MAGI1: variants seen among roughly 807,000 people sequenced by gnomAD.
MAGI1 encodes membrane associated guanylate kinase, WW and PDZ domain containing 1.
MAGI1 carries 58 observed loss-of-function variants against 139.9 expected under a neutral mutation model. The ratio of observed to expected loss-of-function variants is 0.41; its 90% confidence interval spans 0.34 to 0.52. The LOEUF is 0.52. Among genes scored for constraint, MAGI1 ranks in the 20% least tolerant of loss-of-function variants. The probability of loss-of-function intolerance (pLI) is 0.12; values close to 1 mark genes in which losing one functional copy is unlikely to be tolerated. For missense variants in MAGI1, 1,874 were observed against 1,901.6 expected, an observed-to-expected ratio of 0.99 and a Z score of 0.27; for synonymous variants, 812 against 737.9, an observed-to-expected ratio of 1.10 and a Z score of -1.63.
At chr3:65,425,150 GCCTAAACATCATACAAT>G (rs1471769374) in intron 12 of MAGI1, among the ~76,000 whole-genome samples, 6 of 124,008 alleles carry the variant, frequency 4.8e-5, no homozygotes, top group African/African-American at 1.8e-4. Context: ...AAACACACAT[GCCTAAACATCATACAAT>G]CTGTACGGCC....
rs141520753 is a variant in MAGI1 at position 65,369,268 on chromosome 3, G to A, written c.3197-4322C>T. Reference sequence around the variant, plus strand: ...ATAATGCCAAGGAAAGAGGAATCACGTTTTGGAGGTTTTGTTGGAAAAGTC... The same window carrying A: ...ATAATGCCAAGGAAAGAGGAATCACATTTTGGAGGTTTTGTTGGAAAAGTC... On this transcript the variant is annotated intron_variant, in intron 18 of 22. Transcript: ENST00000402939. Among the ~76,000 whole-genome samples, 64 of 152,260 alleles carry A rather than the reference G, an allele frequency of 4.2e-4. No homozygotes were observed. In the East Asian group the frequency reaches 0.01, roughly 25 times the overall value.
At chr3:65,466,097 T>C (rs868626051) in intron 5 of MAGI1, among the ~76,000 whole-genome samples, 1 of 152,236 alleles carries the variant, frequency 6.6e-6, no homozygotes, top group African/African-American at 2.4e-5. Context: ...TCTATGGCTT[T>C]GCTGAGACTT....
chr3:65,569,621 A>G (rs955936249), intron 2 of MAGI1, among the ~76,000 whole-genome samples: 1 of 152,148 alleles, frequency 6.6e-6, no homozygotes, highest in Non-Finnish European at 1.5e-5. Context: ...TTGTGCATGT[A>G]ATCCCAGCAC....
At chr3:65,592,793 C>A (rs1392244784) in intron 2 of MAGI1, among the ~76,000 whole-genome samples, 1 of 152,134 alleles carries the variant, frequency 6.6e-6, no homozygotes, top group Non-Finnish European at 1.5e-5. Context: ...ACGAACCCAA[C>A]TTTTGTTTTG....
chr3:65,480,797 AG>A (rs1294372494), intron 3 of MAGI1, among the ~76,000 whole-genome samples: 1 of 152,050 alleles, frequency 6.6e-6, no homozygotes, highest in Non-Finnish European at 1.5e-5. Flanking sequence ...CATGTTGGCC[AG>A]GTTGGTCTGG....
At position 65,601,819 on chromosome 3, in the gene MAGI1, A is replaced by G. The variant is rs552826231; in HGVS notation, c.430+20153T>C. 2.0e-5 allele frequency among the ~76,000 whole-genome samples: 3 copies of G among 152,042 alleles called. No homozygotes were observed. In the South Asian group the frequency reaches 6.2e-4, roughly 32 times the overall value. On this transcript the variant is annotated intron_variant, in intron 2 of 22. Transcript: ENST00000402939. ...AATATCACCAAGTTAGTGAAAAGAC[A>G]CCCATGGAAAGAAAAAAAATACTGG...
At chr3:65,642,559 T>C (rs897623260) in intron 1 of MAGI1, among the ~76,000 whole-genome samples, 3 of 152,218 alleles carry the variant, frequency 2.0e-5, no homozygotes, top group South Asian at 2.1e-4. Context: ...ATAACCTTGA[T>C]ATGTAAGCTC....
intron 1 of MAGI1, among the ~76,000 whole-genome samples, chr3:66,019,062 C>T (rs1464725637): frequency 6.6e-6 from 1 of 152,168 alleles, no homozygotes; most frequent in African/African-American, 2.4e-5. Context: ...CAGGTACTGC[C>T]TGGCCATAAG....
intron 1 of MAGI1, among the ~76,000 whole-genome samples, chr3:65,947,589 A>T (rs138818929): frequency 6.6e-5 from 10 of 152,286 alleles, no homozygotes; most frequent in African/African-American, 2.4e-4. Flanking sequence ...GAGGCTTTCA[A>T]GTGAAAGCTT....
chr3:65,436,642 T>C (rs1947874939), intron 10 of MAGI1, among the ~76,000 whole-genome samples: 1 of 152,190 alleles, frequency 6.6e-6, no homozygotes, highest in Non-Finnish European at 1.5e-5. Flanking sequence ...AAATATCTAA[T>C]GCTGAGTTTC....
chr3:65,952,792 C>T (rs1262790622), intron 1 of MAGI1, among the ~76,000 whole-genome samples: 3 of 152,086 alleles, frequency 2.0e-5, no homozygotes, highest in Non-Finnish European at 4.4e-5. Context: ...CCAGCCTCGG[C>T]GACAGAGCGA....
At chr3:65,587,053 G>C (rs1348874593) in intron 2 of MAGI1, among the ~76,000 whole-genome samples, 2 of 152,138 alleles carry the variant, frequency 1.3e-5, no homozygotes, top group African/African-American at 4.8e-5. Flanking sequence ...TGCTGTGTGA[G>C]GGCTTTGCTT....
chr3:66,025,288 C>T (rs1465445517), intron 1 of MAGI1, among the ~76,000 whole-genome samples: 1 of 152,158 alleles, frequency 6.6e-6, no homozygotes, highest in Non-Finnish European at 1.5e-5. Context: ...CCTGTAATCC[C>T]AGCACTTTGG....
intron 7 of MAGI1, among the ~76,000 whole-genome samples, chr3:65,445,824 C>T (rs1948640305): frequency 6.6e-6 from 1 of 152,130 alleles, no homozygotes; most frequent in Non-Finnish European, 1.5e-5. Context: ...AGCCAACTGC[C>T]CACGCCTCTC....
At chr3:65,965,916 G>C (rs1423164891) in intron 1 of MAGI1, among the ~76,000 whole-genome samples, 1 of 152,124 alleles carries the variant, frequency 6.6e-6, no homozygotes, top group Non-Finnish European at 1.5e-5. Context: ...ACCTCCCAAA[G>C]TGCTGGGATT....
chr3:65,720,831 C>A (rs2032924526), intron 1 of MAGI1, among the ~76,000 whole-genome samples: 1 of 152,008 alleles, frequency 6.6e-6, no homozygotes, highest in South Asian at 2.1e-4. Flanking sequence ...CTCACTGCAA[C>A]CTCCACCTCC....
chr3:65,696,159 C>T (rs1028241455), intron 1 of MAGI1, among the ~76,000 whole-genome samples: 3 of 152,144 alleles, frequency 2.0e-5, no homozygotes, highest in African/African-American at 7.2e-5. Context: ...AAGCATTTTC[C>T]TCCATCAGAA....
chr3:65,532,717 T>C (rs1307042893), intron 2 of MAGI1: 1 of 152,076 alleles, frequency 6.6e-6, no homozygotes, highest in Non-Finnish European at 1.5e-5. Context: ...GTCCAGGTGA[T>C]CATCAAGCTG....
chr3:65,590,464 T>C (rs1369124495), intron 2 of MAGI1, among the ~76,000 whole-genome samples: 1 of 152,256 alleles, frequency 6.6e-6, no homozygotes, highest in Non-Finnish European at 1.5e-5. Flanking sequence ...TGCTCTTAAC[T>C]ATCTTGGTTG....
Sources: gnomAD v4.1 joint callset for allele counts (sites outside exome capture counted in the v4.1 genomes callset) on GRCh38, gnomAD v4.1.1 for gene constraint, MANE v1.5 for transcripts, NCBI Gene and HGNC (gene_info 2026-07-23, HGNC 2026-07-21) for gene names.